The following NEDD1 variants were observed in gnomAD, a reference collection of about 807,000 sequenced individuals.
NEDD1 encodes protein NEDD1.
In NEDD1, 33 loss-of-function variants were observed where a neutral mutation model predicts 74.0. The ratio of observed to expected loss-of-function variants is 0.45; its 90% CI spans 0.34 to 0.60. NEDD1 has a LOEUF of 0.60. Ranked by LOEUF, NEDD1 falls within the 20% of genes least tolerant of loss-of-function variation. The pLI is 0.01. For synonymous variants in NEDD1, 250 were observed against 264.4 expected (o/e 0.95, Z 0.53); for missense variants, 746 against 776.5 (o/e 0.96, Z 0.47).
At chr12:96,936,882 G>T in intron 8 of NEDD1, 70 bp downstream of exon 8, 1 of 933,090 alleles carries the variant, frequency 1.1e-6, no homozygotes, top group Non-Finnish European at 1.7e-6. Flanking sequence ...GAAATTATAT[G>T]TGGTCAATTA....
Position 96,912,794 on chromosome 12 carries a change from C to A in NEDD1, c.208C>A (p.Pro70Thr). 1 of 1,600,724 alleles carries A rather than the reference C, an allele frequency of 6.2e-7. No homozygotes were observed. Among genetic ancestry groups the A allele is most frequent in the Non-Finnish European group, 8.6e-7 (1 of 1,169,542 alleles). The change falls in exon 4 of 16, where the codon CCA (proline) becomes ACA (threonine). Residue 70 changes from proline to threonine, a missense_variant. Physicochemically the swap from Pro to Thr is conservative, Grantham distance 38 (BLOSUM62 -1). Transcript: ENST00000266742. ...CTCAAGTTGCAAATGTAAACCTGTT[C>A]CACTTTTAGAGCTTGCTGAAGGGGT... The part of the protein sequence containing the change: ...VVSSCKCKPV[P>T]LLELAEGQKQ...
At chr12:96,946,914 G>C (rs1444790214) in intron 14 of NEDD1, among the ~76,000 whole-genome samples, 8 of 152,118 alleles carry the variant, frequency 5.3e-5, no homozygotes, top group Admixed American at 5.2e-4. Flanking sequence ...TCTGTTAGAA[G>C]TACTTATTTT....
At chr12:96,933,571 C>T (rs1368094476) in intron 6 of NEDD1, among the ~76,000 whole-genome samples, 1 of 152,076 alleles carries the variant, frequency 6.6e-6, no homozygotes, top group Non-Finnish European at 1.5e-5. Flanking sequence ...AACATTTTCT[C>T]TTTGTACTTT....
At chr12:96,946,571 T>C (rs1878219031) in intron 14 of NEDD1, among the ~76,000 whole-genome samples, 1 of 152,196 alleles carries the variant, frequency 6.6e-6, no homozygotes, top group Non-Finnish European at 1.5e-5. Flanking sequence ...TTTTTAAATG[T>C]CGAAAAATAC....
intron 8 of NEDD1, 44 bp downstream of exon 8, chr12:96,936,856 T>C (rs1417152379): frequency 1.7e-6 from 2 of 1,210,820 alleles, no homozygotes; most frequent in Non-Finnish European, 2.4e-6. Flanking sequence ...ATTAAATAAA[T>C]CTAACTCAGA....
Position 96,943,558 on chromosome 12 carries a change from A to G in NEDD1, c.1295-2A>G. 1 of 1,610,288 alleles carries G rather than the reference A, an allele frequency of 6.2e-7. No homozygotes were observed. Among genetic ancestry groups the G allele is most frequent in the Non-Finnish European group, 8.5e-7 (1 of 1,177,850 alleles). ...TGCACATGCAGTTTTTCCCTTTTCC[A>G]GGCTTTGACTTTCTACCGCAGTTGA... On this transcript the variant is annotated splice_acceptor_variant, in intron 11 of 15. Transcript: ENST00000266742. LOFTEE classifies it high-confidence loss of function.
chr12:96,932,646 G>A (rs1841895069), intron 6 of NEDD1, among the ~76,000 whole-genome samples: 1 of 149,796 alleles, frequency 6.7e-6, no homozygotes, highest in Non-Finnish European at 1.5e-5. Context: ...ATGAAATTCT[G>A]TTAGTATTAT....
At chr12:96,932,463 A>AATATATATATATATATATATATAT (rs1555203253) in intron 6 of NEDD1, among the ~76,000 whole-genome samples, 6 of 9,406 alleles carry the variant, frequency 6.4e-4, no homozygotes, top group Non-Finnish European at 9.9e-4. Flanking sequence ...AAAAAAAAAA[A>AATATATATATATATATATATATAT]ATATATATAT....
At chr12:96,910,208 G>A (rs1180991185) in intron 3 of NEDD1, among the ~76,000 whole-genome samples, 1 of 137,688 alleles carries the variant, frequency 7.3e-6, no homozygotes, top group Non-Finnish European at 1.6e-5. Flanking sequence ...TGAACCAAAT[G>A]GAATAAGGTT....
intron 6 of NEDD1, among the ~76,000 whole-genome samples, chr12:96,924,290 C>G (rs1875451177): frequency 6.6e-6 from 1 of 152,168 alleles, no homozygotes; most frequent in Non-Finnish European, 1.5e-5. Flanking sequence ...TTCACTTTGA[C>G]TACTATGGGC....
chr12:96,939,323 T>C (rs935822093), intron 9 of NEDD1, among the ~76,000 whole-genome samples: 4 of 152,040 alleles, frequency 2.6e-5, no homozygotes, highest in Admixed American at 6.6e-5. Flanking sequence ...GGCTGAGTTA[T>C]GCATTCAAAC....
intron 6 of NEDD1, among the ~76,000 whole-genome samples, chr12:96,932,757 G>C (rs1306988783): frequency 1.3e-5 from 2 of 151,456 alleles, no homozygotes; most frequent in African/African-American, 4.8e-5. Context: ...CATAAGCAAT[G>C]ATGAGCAAGT....
intron 6 of NEDD1, among the ~76,000 whole-genome samples, 179 bp from the exon 7 acceptor site, chr12:96,934,797 C>CA (rs1257446746): frequency 1.3e-5 from 2 of 152,134 alleles, no homozygotes; most frequent in African/African-American, 4.8e-5. Flanking sequence ...CTCGGCCTCC[C>CA]AAAGTGCTGG....
intron 6 of NEDD1, among the ~76,000 whole-genome samples, chr12:96,930,201 ACACACACACACTCTCTCTCTCT>A (rs1397999433): frequency 4.8e-5 from 3 of 62,406 alleles, no homozygotes; most frequent in African/African-American, 1.7e-4. Flanking sequence ...ACACACACAC[ACACACACACACTCTCTCTCTCT>A]CTCTCTCTCT....
intron 10 of NEDD1, among the ~76,000 whole-genome samples, chr12:96,941,940 G>C (rs972285438): frequency 1.3e-5 from 2 of 152,002 alleles, no homozygotes; most frequent in African/African-American, 4.8e-5. Context: ...TGATATAGTT[G>C]TGTGTTTATT....
chr12:96,940,936 C>G lies in NEDD1; in HGVS notation c.1246+399C>G, dbSNP rs555978823. Reference sequence around the variant, plus strand: ...GTGTATAGGTGTACACCTCCCACCACCCCATAAAAAAGTTGGCATAATAAA... The same window carrying G: ...GTGTATAGGTGTACACCTCCCACCAGCCCATAAAAAAGTTGGCATAATAAA... On this transcript the variant is annotated intron_variant, in intron 10 of 15. Coordinates refer to ENST00000266742, the MANE Select transcript of NEDD1 (RefSeq NM_152905.4). Among the ~76,000 whole-genome samples, 12 of 152,106 alleles carry G rather than the reference C, an allele frequency of 7.9e-5. No individual in the cohort carries two copies. In the South Asian group the frequency reaches 2.5e-3, roughly 32 times the overall value.
chr12:96,950,273 T>A (rs769753308), intron 14 of NEDD1, among the ~76,000 whole-genome samples: 24 of 152,072 alleles, frequency 1.6e-4, no homozygotes, highest in Non-Finnish European at 2.8e-4. Context: ...AATCTGGTAA[T>A]ACTAAGTCTT....
In NEDD1 at chr12:96,944,744, A is replaced by G. The variant is rs1329563330; in HGVS notation, c.1603A>G (p.Ile535Val). The change falls in exon 13 of 16, where the codon ATT becomes GTT. Residue 535 changes from isoleucine (I) to valine (V), a missense_variant. Transcript: ENST00000266742. ...SEKFEKPENE[I>V]EAQLICEPPI... Reference sequence around the variant, plus strand: ...GAAATTTGAAAAGCCAGAGAATGAAATTGAAGCCCAGTTGATATGTGAACC... The same window carrying G: ...GAAATTTGAAAAGCCAGAGAATGAAGTTGAAGCCCAGTTGATATGTGAACC... 1.3e-6 allele frequency: 2 copies of G among 1,597,454 alleles called. No homozygotes were observed. The highest frequency in any genetic ancestry group is 1.7e-6 in the Non-Finnish European group (2 of 1,172,870).
At chr12:96,933,045 C>G (rs1205543739) in intron 6 of NEDD1, among the ~76,000 whole-genome samples, 1 of 147,540 alleles carries the variant, frequency 6.8e-6, no homozygotes, top group East Asian at 2.0e-4. Flanking sequence ...GTCCCAAGAA[C>G]TTGAAGTAAG....
Sources: allele counts gnomAD v4.1 joint callset (sites outside exome capture counted in the v4.1 genomes callset), GRCh38; gene constraint gnomAD v4.1.1; transcripts MANE v1.5; gene names NCBI Gene and HGNC (gene_info 2026-07-23, HGNC 2026-07-21).